SMURF2: variants seen among roughly 807,000 people sequenced by gnomAD.
The protein encoded by SMURF2 is E3 ubiquitin-protein ligase SMURF2.
Under a neutral mutation model 109.6 loss-of-function variants are expected in SMURF2, and 48 were observed. The observed-to-expected ratio is 0.44, with a 90% CI of 0.35 to 0.56. SMURF2 has a LOEUF of 0.56. Among genes scored for constraint, SMURF2 ranks in the 20% least tolerant of loss-of-function variants. The pLI is 0.01. For missense variants in SMURF2, 575 were observed against 909.0 expected, an observed-to-expected ratio of 0.63 and a Z score of 4.72; for synonymous variants, 288 against 317.1, an observed-to-expected ratio of 0.91 and a Z score of 0.97.
chr17:64,571,917 C>T lies in SMURF2; in HGVS notation c.897G>A (p.Leu299=). 3.1e-6 allele frequency: 5 copies of T among 1,613,742 alleles called. No homozygotes were observed. Among genetic ancestry groups the T allele is most frequent in the Non-Finnish European group, 4.2e-6 (5 of 1,179,832 alleles). The part of the protein sequence containing the change: ...SNINCEELGP[L]PPGWEIRNTA... ...TATTACGGATCTCCCATCCAGGAGG[C>T]AATGGACCAAGCTCTTCACAATTGA... Residue 299 remains leucine (L), a synonymous_variant, in exon 10 of 19, where the codon TTG becomes TTA. Transcript: ENST00000262435.
At position 64,571,868 on chromosome 17, in the gene SMURF2, C is replaced by T. The variant is rs782428033; in HGVS notation, c.946G>A (p.Val316Ile). ...TGTGTTGTTCTGTTGTTATGGTCAA[C>T]GAAATAAACTCTGCCTGTTGCCGTA... ...RNTATGRVYF[V>I]DHNNRTTQFT... Residue 316 changes from valine (V) to isoleucine (I), a missense_variant, in exon 10 of 19, where the codon GTT (valine) becomes ATT (isoleucine). By Grantham distance (29) the Val-to-Ile change is conservative. This residue lies in a region of SMURF2 where 361 missense variants were observed against 612.1 expected (regional missense o/e 0.59). Transcript: ENST00000262435. 60 of 1,613,660 alleles carry T rather than the reference C, an allele frequency of 3.7e-5. 1 individual carries two copies. Among genetic ancestry groups the T allele is most frequent in the South Asian group, 7.7e-5 (7 of 90,978 alleles).
At chr17:64,606,703 AT>A in intron 1 of SMURF2, 63 bp from the exon 2 acceptor site, 3 of 1,214,524 alleles carry the variant, frequency 2.5e-6, no homozygotes, top group South Asian at 1.4e-5. Context: ...GTACTGTTAC[AT>A]TTTAAAACAC....
chr17:64,650,835 G>C (rs922565683), intron 1 of SMURF2, among the ~76,000 whole-genome samples: 4 of 147,320 alleles, frequency 2.7e-5, no homozygotes, highest in Admixed American at 1.4e-4. Flanking sequence ...AAATTACCAA[G>C]TATATCTTAC....
intron 4 of SMURF2, among the ~76,000 whole-genome samples, chr17:64,592,593 T>C (rs1415614684): frequency 6.6e-6 from 1 of 152,214 alleles, no homozygotes. Flanking sequence ...CCTTAGATCT[T>C]ATGTGAGTTT....
At chr17:64,563,520 G>A (rs1969256049) in intron 10 of SMURF2, among the ~76,000 whole-genome samples, 1 of 152,096 alleles carries the variant, frequency 6.6e-6, no homozygotes, top group East Asian at 1.9e-4. Flanking sequence ...AATCAAAACA[G>A]ATTACCGTGT....
At chr17:64,603,595 A>C (rs1015724942) in intron 2 of SMURF2, among the ~76,000 whole-genome samples, 3 of 152,032 alleles carry the variant, frequency 2.0e-5, no homozygotes, top group Admixed American at 6.6e-5. Context: ...AAAAAAAAAA[A>C]AAAAACATAA....
intron 1 of SMURF2, among the ~76,000 whole-genome samples, chr17:64,646,236 T>C (rs1029467330): frequency 6.6e-6 from 1 of 151,874 alleles, no homozygotes. Context: ...CAACTAATTT[T>C]TGTATTTTTG....
Position 64,643,823 on chromosome 17 carries a change from G to A in SMURF2, c.52+18006C>T, listed in dbSNP as rs565017080. On this transcript the variant is annotated intron_variant, in intron 1 of 18. Coordinates refer to ENST00000262435, the MANE Select transcript of SMURF2 (RefSeq NM_022739.4). ...TCAGAGGAGATGATGCTTCAGCTAC[G>A]TTTTTTGTTTGTTTGTTTTTTGAGA... Among the ~76,000 whole-genome samples the A allele has an allele frequency of 2.6e-5, 4 of 152,136 alleles. No homozygotes were observed. The East Asian group carries it at 5.8e-4, about 22-fold the overall frequency.
chr17:64,641,353 C>CA lies in SMURF2; in HGVS notation c.52+20475dup, dbSNP rs1190949036. Among the ~76,000 whole-genome samples, 118 of 151,536 alleles carry CA rather than the reference C, an allele frequency of 7.8e-4. 1 individual carries two copies. The East Asian group carries it at 0.013, about 17-fold the overall frequency. ...TCAAAGAATAAATAGTCCAACCCCC[C>CA]AAAAAAAACAAAAAGTAGCAGCACC... On this transcript the variant is annotated intron_variant, in intron 1 of 18. Transcript: ENST00000262435.
At position 64,590,997 on chromosome 17, in the gene SMURF2, C is replaced by T. The variant is rs1488958170; in HGVS notation, c.400+87G>A. The T allele has an allele frequency of 1.5e-4, 130 of 875,810 alleles. 1 individual carries two copies. The highest frequency in any genetic ancestry group is 2.8e-5 in the Non-Finnish European group (16 of 563,962). The allele number at this position is 875,810 out of a possible 1,614,324, so 54.3% of individuals were successfully genotyped here. On this transcript the variant is annotated intron_variant, in intron 5 of 18. Transcript: ENST00000262435. Reference sequence around the variant, plus strand: ...AATTCAGGCCAACACAATGAAGCTACAGTTATTATACTTTGATTTAAAAGG... The same window carrying T: ...AATTCAGGCCAACACAATGAAGCTATAGTTATTATACTTTGATTTAAAAGG...
intron 1 of SMURF2, among the ~76,000 whole-genome samples, chr17:64,618,046 AT>A (rs1271346417): frequency 6.6e-6 from 1 of 152,070 alleles, no homozygotes. Context: ...CACAATTATA[AT>A]TTTTTTTACT....
rs1180306976 is a variant in SMURF2, at chr17:64,545,543, A to G, written c.*305T>C. 4 of 197,342 alleles carry G rather than the reference A, an allele frequency of 2.0e-5. No homozygotes were observed. The highest frequency in any genetic ancestry group is 4.1e-5 in the Non-Finnish European group (4 of 96,522). 12.2% of individuals were successfully genotyped at this position (197,342 alleles called of 1,614,324 possible). A position where few individuals can be genotyped will look rare whatever the true frequency, so the allele number is the denominator to read the frequency against. On this transcript the variant is annotated 3_prime_UTR_variant, in exon 19 of 19. Transcript: ENST00000262435. ...TTTATAAAAATAGTAGTAGTCTTTA[A>G]GTGTAGAATACTGCCTAACTCTGGA...
chr17:64,644,253 T>A (rs1222025513), intron 1 of SMURF2, among the ~76,000 whole-genome samples: 1 of 152,034 alleles, frequency 6.6e-6, no homozygotes. Context: ...CGCTGGGATT[T>A]CAGGCATAAG....
rs114782708 is a variant in SMURF2, at chr17:64,615,514, A to G, written c.53-8874T>C. ...CACCATTCCTGACCAGTGGCACATG[A>G]CAGCAATTTACATCTTTCTGCTCTG... is the stretch of plus-strand genomic sequence containing the variant. On this transcript the variant is annotated intron_variant, in intron 1 of 18. Transcript: ENST00000262435. Among the ~76,000 whole-genome samples the G allele has an allele frequency of 3.6e-3, 552 of 152,342 alleles. 6 individuals are homozygous for G. Among genetic ancestry groups the G allele is most frequent in the African/African-American group, 0.012 (516 of 41,580 alleles).
chr17:64,594,709 G>A (rs1300894568), intron 3 of SMURF2, among the ~76,000 whole-genome samples: 4 of 152,088 alleles, frequency 2.6e-5, no homozygotes, highest in Non-Finnish European at 4.4e-5. Flanking sequence ...ACATTAGGCC[G>A]GGCGCGGTGG....
intron 1 of SMURF2, among the ~76,000 whole-genome samples, chr17:64,655,989 A>T (rs1368864342): frequency 6.6e-6 from 1 of 152,210 alleles, no homozygotes; most frequent in Non-Finnish European, 1.5e-5. Flanking sequence ...ATCTGACTCT[A>T]TAACTAATAT....
At chr17:64,546,433 T>C (rs377591664) in intron 17 of SMURF2, 95 bp from the exon 18 acceptor site, 18 of 1,065,496 alleles carry the variant, frequency 1.7e-5, no homozygotes, top group African/African-American at 9.5e-5. Flanking sequence ...CCACAGGATC[T>C]GGGGATAGGG....
chr17:64,562,717 C>T (rs1162900202), intron 11 of SMURF2, 54 bp downstream of exon 11: 3 of 1,542,464 alleles, frequency 1.9e-6, no homozygotes, highest in Non-Finnish European at 2.7e-6. Context: ...TATTAGCAAG[C>T]AATGGGTTTC....
At chr17:64,602,992 A>G (rs1359973120) in intron 2 of SMURF2, among the ~76,000 whole-genome samples, 1 of 152,110 alleles carries the variant, frequency 6.6e-6, no homozygotes, top group African/African-American at 2.4e-5. Flanking sequence ...TAAAATAGCT[A>G]AAGCTCAAAA....
Sources: gnomAD v4.1 joint callset for allele counts (sites outside exome capture counted in the v4.1 genomes callset) on GRCh38, gnomAD v4.1.1 for gene constraint, gnomAD v4.1.1 regional missense constraint, MANE v1.5 for transcripts, NCBI Gene and HGNC (gene_info 2026-07-23, HGNC 2026-07-21) for gene names.